UBE2G2: variants seen among roughly 807,000 people sequenced by gnomAD.
UBE2G2 encodes ubiquitin conjugating enzyme E2 G2.
UBE2G2 carries 10 observed loss-of-function variants against 23.0 expected under a neutral mutation model. The ratio of observed to expected loss-of-function variants is 0.43; its 90% CI spans 0.27 to 0.74. UBE2G2 has a LOEUF of 0.74. UBE2G2 is among the 30% of genes least tolerant of loss of function. The probability of loss-of-function intolerance (pLI) is 0.19; values close to 1 mark genes in which losing one functional copy is unlikely to be tolerated. For missense variants in UBE2G2, 150 were observed against 218.3 expected, an observed-to-expected ratio of 0.69 and a Z score of 1.97; for synonymous variants, 86 against 81.3, an observed-to-expected ratio of 1.06 and a Z score of -0.31.
chr21:44,787,777 A>T (rs1665013300), intron 3 of UBE2G2, 143 bp downstream of exon 3: 1 of 834,380 alleles, frequency 1.2e-6, no homozygotes, highest in African/African-American at 1.7e-5. Flanking sequence ...TCAGACCAGC[A>T]GCCTAGACGA....
chr21:44,795,344 A>T (rs2083078515), intron 1 of UBE2G2, among the ~76,000 whole-genome samples: 1 of 152,212 alleles, frequency 6.6e-6, no homozygotes, highest in Admixed American at 6.5e-5. Flanking sequence ...TAAAATTTTT[A>T]AAACTGGAAG....
At chr21:44,783,933 T>C (rs535778346) in intron 3 of UBE2G2, among the ~76,000 whole-genome samples, 6 of 152,296 alleles carry the variant, frequency 3.9e-5, no homozygotes, top group South Asian at 2.1e-4. Flanking sequence ...GGCAGAAGGA[T>C]TGCTTGAGGC....
At chr21:44,775,670 C>G (rs1336805433) in intron 4 of UBE2G2, among the ~76,000 whole-genome samples, 1 of 152,104 alleles carries the variant, frequency 6.6e-6, no homozygotes, top group African/African-American at 2.4e-5. Flanking sequence ...GTCACTAATG[C>G]CATGTCACAG....
chr21:44,798,548 T>G (rs560927078), intron 1 of UBE2G2, among the ~76,000 whole-genome samples: 3 of 152,238 alleles, frequency 2.0e-5, no homozygotes, highest in Admixed American at 2.0e-4. Flanking sequence ...ATTTCAACAA[T>G]GTTCACAGCA....
Position 44,777,399 on chromosome 21 carries a change from G to A in UBE2G2, c.144C>T (p.Cys48=). 1 of 1,614,064 alleles carries A rather than the reference G, an allele frequency of 6.2e-7. No individual in the cohort carries two copies. Among genetic ancestry groups the A allele is most frequent in the Non-Finnish European group, 8.5e-7 (1 of 1,180,006 alleles). The stretch of plus-strand genomic sequence containing the variant: ...TGGCAGGAAAAACACCAAACTCAAA[G>A]CAGGTGTCTTCTGGGCCCCTAGAAG... ...EALIMGPEDT[C]FEFGVFPAIL... is the part of the protein sequence containing the mutation. The change falls in exon 4 of 6, where the codon TGC becomes TGT. Residue 48 remains cysteine (C), a synonymous_variant. Transcript: ENST00000345496.
At chr21:44,774,258 T>C (rs1466785218) in intron 4 of UBE2G2, 2 of 154,410 alleles carry the variant, frequency 1.3e-5, no homozygotes, top group African/African-American at 2.4e-5. Flanking sequence ...TCAATGTGTC[T>C]AAATCAAATC....
At chr21:44,798,565 C>A (rs1384805375) in intron 1 of UBE2G2, among the ~76,000 whole-genome samples, 4 of 152,186 alleles carry the variant, frequency 2.6e-5, no homozygotes, top group African/African-American at 9.7e-5. Flanking sequence ...AGCATTTTCA[C>A]CAGGAGTAGA....
At chr21:44,773,407 A>T in intron 5 of UBE2G2, 140 bp downstream of exon 5, 3 of 1,113,086 alleles carry the variant, frequency 2.7e-6, no homozygotes, top group Non-Finnish European at 3.7e-6. Flanking sequence ...GTGTAGGCAG[A>T]TAACATTAAA....
At chr21:44,783,785 A>G (rs1262592710) in intron 3 of UBE2G2, among the ~76,000 whole-genome samples, 3 of 152,228 alleles carry the variant, frequency 2.0e-5, no homozygotes, top group African/African-American at 7.2e-5. Context: ...ATGACTACAA[A>G]ACTCTAGAAA....
At chr21:44,801,231 TG>T in intron 1 of UBE2G2, 1 of 773,874 alleles carries the variant, frequency 1.3e-6, no homozygotes, top group Non-Finnish European at 1.6e-6. Flanking sequence ...GAGTGACAGG[TG>T]GCACTGTTCA....
chr21:44,774,464 T>C (rs1234159930), intron 4 of UBE2G2: 2 of 242,808 alleles, frequency 8.2e-6, no homozygotes, highest in African/African-American at 2.3e-5. Context: ...ATTAAAGTTA[T>C]AATAATAGAA....
At chr21:44,792,106 A>G (rs889893036) in intron 1 of UBE2G2, among the ~76,000 whole-genome samples, 49 of 152,312 alleles carry the variant, frequency 3.2e-4, no homozygotes, top group African/African-American at 1.1e-3. Flanking sequence ...TTTCCATTGT[A>G]TCTTGAAAGT....
At chr21:44,787,516 C>G (rs1251007871) in intron 3 of UBE2G2, among the ~76,000 whole-genome samples, 1 of 152,190 alleles carries the variant, frequency 6.6e-6, no homozygotes. Flanking sequence ...CGCTAACATG[C>G]CTGGTGTGGT....
chr21:44,801,339 C>T (rs2083135663), intron 1 of UBE2G2: 1 of 1,088,166 alleles, frequency 9.2e-7, no homozygotes. Flanking sequence ...CTTTTCCCTC[C>T]TAATTCCGCA....
chr21:44,791,241 A>G (rs965189707), intron 1 of UBE2G2, among the ~76,000 whole-genome samples: 1 of 152,200 alleles, frequency 6.6e-6, no homozygotes, highest in African/African-American at 2.4e-5. Flanking sequence ...AGAAATTCAA[A>G]TAAGTAACAA....
intron 1 of UBE2G2, among the ~76,000 whole-genome samples, chr21:44,797,741 A>T (rs8132961): frequency 0.52 from 55,469 of 107,590 alleles, 14,812 homozygotes; most frequent in East Asian, 0.76. Flanking sequence ...AAAAAAAAAA[A>T]GAGAAAATAC....
intron 3 of UBE2G2, among the ~76,000 whole-genome samples, chr21:44,786,313 G>A (rs2082996262): frequency 6.6e-6 from 1 of 152,224 alleles, no homozygotes; most frequent in African/African-American, 2.4e-5. Context: ...GTCCACTAAT[G>A]AGGACAGCCC....
chr21:44,798,038 G>C (rs186379795), intron 1 of UBE2G2, among the ~76,000 whole-genome samples: 1 of 152,248 alleles, frequency 6.6e-6, no homozygotes, highest in African/African-American at 2.4e-5. Flanking sequence ...CATGCCTGTA[G>C]TCTCAGCTAC....
At chr21:44,798,424 T>G (rs1314998010) in intron 1 of UBE2G2, among the ~76,000 whole-genome samples, 1 of 152,250 alleles carries the variant, frequency 6.6e-6, no homozygotes, top group Non-Finnish European at 1.5e-5. Context: ...GTCTGTGATG[T>G]TGTTTGACAG....
Sources: gnomAD v4.1 joint callset for allele counts (sites outside exome capture counted in the v4.1 genomes callset) on GRCh38, gnomAD v4.1.1 for gene constraint, MANE v1.5 for transcripts, NCBI Gene and HGNC (gene_info 2026-07-23, HGNC 2026-07-21) for gene names.